XKR9: variants seen among roughly 807,000 people sequenced by gnomAD.
XKR9 encodes XK-related protein 9.
Under a neutral mutation model 32.0 loss-of-function variants are expected in XKR9, and 32 were observed. The ratio of observed to expected loss-of-function variants is 1.00; its 90% CI spans 0.76 to 1.34. The LOEUF (loss-of-function observed/expected upper bound fraction) is 1.34, where lower values mean the gene tolerates loss of function less well. Among genes scored for constraint, XKR9 ranks in the 40% most tolerant of loss-of-function variants. XKR9 has a pLI of 0.00. For synonymous variants in XKR9, 168 were observed against 143.4 expected, an observed-to-expected ratio of 1.17 and a Z score of -1.22; for missense variants, 546 against 429.7, an observed-to-expected ratio of 1.27 and a Z score of -2.39.
downstream of XKR9, among the ~76,000 whole-genome samples, chr8:70,791,497 G>T (rs1807763550): frequency 6.6e-6 from 1 of 152,082 alleles, no homozygotes; most frequent in South Asian, 2.1e-4. Context: ...GGCCACGAGG[G>T]CTTTGCCCTT....
At chr8:70,887,473 T>A in the XKR9 span, among the ~76,000 whole-genome samples, 34 of 152,296 alleles carry the variant, frequency 2.2e-4, 1 homozygote, top group African/African-American at 8.2e-4. Context: ...AACTCAATGG[T>A]AGCTTGATGG....
At chr8:70,959,965 C>T in the XKR9 span, among the ~76,000 whole-genome samples, 1 of 152,168 alleles carries the variant, frequency 6.6e-6, no homozygotes, top group Admixed American at 6.5e-5. Context: ...AGTGGTGGCT[C>T]ACGCCTATAA....
Position 70,734,006 on chromosome 8 carries a change from T to C in XKR9, c.704T>C (p.Leu235Ser), listed in dbSNP as rs746133644. The C allele has an allele frequency of 1.2e-6, 2 of 1,612,690 alleles. No homozygotes were observed. The change falls in exon 5 of 5, where the codon TTG becomes TCG. Residue 235 changes from leucine to serine, a missense_variant. Physicochemically the swap from Leu to Ser is moderately radical, Grantham distance 145. Transcript: ENST00000408926. Reference sequence around the variant, plus strand: ...AATGTTAAGATTGCTTTATTTCTGTTGTTATTTCTTTGGTTGTTAGGTATA... The same window carrying C: ...AATGTTAAGATTGCTTTATTTCTGTCGTTATTTCTTTGGTTGTTAGGTATA... ...FLNVKIALFL[L>S]LFLWLLGIIW...
At chr8:70,683,493 CT>C (rs747802158) in intron 3 of XKR9, 22,980 of 330,306 alleles carry the variant, frequency 0.07, no homozygotes, top group South Asian at 0.11. Flanking sequence ...AATTACTTTT[CT>C]TTTTTTTTTT....
the XKR9 span, among the ~76,000 whole-genome samples, chr8:71,034,781 C>T: frequency 1.3e-5 from 2 of 152,278 alleles, no homozygotes; most frequent in East Asian, 3.9e-4. Context: ...ACCATTCCCA[C>T]TAGATTCCTC....
the XKR9 span, among the ~76,000 whole-genome samples, chr8:71,018,585 T>G: frequency 2.6e-5 from 4 of 152,150 alleles, no homozygotes; most frequent in African/African-American, 9.7e-5. Context: ...AGGTAGAGAT[T>G]ATGGCCTGGA....
the XKR9 span, among the ~76,000 whole-genome samples, chr8:70,977,908 T>C: frequency 6.6e-6 from 1 of 152,218 alleles, no homozygotes; most frequent in South Asian, 2.1e-4. Flanking sequence ...GCTTTATGAA[T>C]CTGGGTGCTC....
intron 3 of XKR9, among the ~76,000 whole-genome samples, chr8:70,702,452 A>G (rs527428162): frequency 6.6e-6 from 1 of 152,280 alleles, no homozygotes; most frequent in African/African-American, 2.4e-5. Context: ...TTAGGCAGAT[A>G]ATGTTAAATT....
chr8:70,981,148 G>A, the XKR9 span, among the ~76,000 whole-genome samples: 1 of 152,098 alleles, frequency 6.6e-6, no homozygotes, highest in Non-Finnish European at 1.5e-5. Flanking sequence ...GAATTTCCCA[G>A]GTGTTCTTTG....
chr8:70,672,889 G>T (rs191233378), intron 1 of XKR9, among the ~76,000 whole-genome samples: 2 of 152,094 alleles, frequency 1.3e-5, no homozygotes, highest in Non-Finnish European at 2.9e-5. Context: ...TTCATGTTCT[G>T]TACCCTCTTT....
At chr8:70,886,370 T>C in the XKR9 span, among the ~76,000 whole-genome samples, 1 of 152,226 alleles carries the variant, frequency 6.6e-6, no homozygotes, top group East Asian at 1.9e-4. Flanking sequence ...TGTGTCTTTA[T>C]AGTAGAATGA....
At chr8:70,926,135 C>T in the XKR9 span, among the ~76,000 whole-genome samples, 4 of 152,136 alleles carry the variant, frequency 2.6e-5, no homozygotes, top group Admixed American at 6.5e-5. Context: ...AGTGCAATGG[C>T]GCGATCTCGG....
chr8:70,730,655 C>T (rs958574969), intron 4 of XKR9, among the ~76,000 whole-genome samples: 1 of 151,886 alleles, frequency 6.6e-6, no homozygotes, highest in Non-Finnish European at 1.5e-5. Flanking sequence ...AACTCAGAAG[C>T]GATTGTTGAG....
the XKR9 span, among the ~76,000 whole-genome samples, chr8:71,041,746 C>T: frequency 5.9e-5 from 9 of 151,772 alleles, no homozygotes; most frequent in African/African-American, 2.2e-4. Context: ...CTCTCCCTTT[C>T]TCTCTCTCTC....
At chr8:70,696,446 T>C (rs1805279408) in intron 3 of XKR9, among the ~76,000 whole-genome samples, 1 of 151,498 alleles carries the variant, frequency 6.6e-6, no homozygotes, top group African/African-American at 2.4e-5. Flanking sequence ...GGGAATCCTT[T>C]CCCCATTGCT....
intron 4 of XKR9, among the ~76,000 whole-genome samples, chr8:70,719,519 A>G (rs1443670728): frequency 2.6e-5 from 4 of 152,208 alleles, no homozygotes; most frequent in African/African-American, 9.6e-5. Context: ...AGTTTTCTGC[A>G]TAAGGCTAGC....
intron 4 of XKR9, among the ~76,000 whole-genome samples, chr8:70,725,947 A>G (rs544312686): frequency 1.3e-5 from 2 of 152,266 alleles, no homozygotes; most frequent in South Asian, 2.1e-4. Context: ...CAAAAAGTTC[A>G]TGGAAAATGC....
the XKR9 span, among the ~76,000 whole-genome samples, chr8:70,968,954 G>A: frequency 6.6e-6 from 1 of 152,208 alleles, no homozygotes; most frequent in Admixed American, 6.5e-5. Flanking sequence ...GAAGCAGCCT[G>A]ACTGCCCCTT....
the XKR9 span, among the ~76,000 whole-genome samples, chr8:70,898,151 G>C: frequency 6.6e-6 from 1 of 152,094 alleles, no homozygotes; most frequent in Admixed American, 6.5e-5. Context: ...TTTCCCAGCA[G>C]TATTTATTGA....
Sources: gnomAD v4.1 joint callset for allele counts (sites outside exome capture counted in the v4.1 genomes callset) on GRCh38, gnomAD v4.1.1 for gene constraint, MANE v1.5 for transcripts, NCBI Gene and HGNC (gene_info 2026-07-23, HGNC 2026-07-21) for gene names.